The following IRX4 variants were observed in gnomAD, a reference collection of about 807,000 sequenced individuals.
IRX4 encodes the protein iroquois-class homeodomain protein IRX-4.
IRX4 carries 22 observed loss-of-function variants against 32.0 expected under a neutral mutation model. The ratio of observed to expected loss-of-function variants is 0.69; its 90% confidence interval spans 0.49 to 0.98. The LOEUF (loss-of-function observed/expected upper bound fraction) is 0.98, where lower values mean the gene tolerates loss of function less well. IRX4 is among the 50% of genes least tolerant of loss of function. The probability of loss-of-function intolerance (pLI) is 0.00; values close to 1 mark genes in which losing one functional copy is unlikely to be tolerated. For missense variants in IRX4, 840 were observed against 744.2 expected (o/e 1.13, Z -1.50); for synonymous variants, 379 against 351.7 (o/e 1.08, Z -0.87).
In IRX4 at chr5:1,877,993, G is replaced by C. The variant is rs956319404; in HGVS notation, c.1536C>G (p.Ala512=). The change falls in exon 5 of 5, where the codon GCC becomes GCG. Residue 512 remains alanine, a synonymous_variant. Coordinates refer to ENST00000231357, the MANE Select transcript of IRX4 (RefSeq NM_016358.3). ...CTCAGGCGCAGAAGGGTTTGCCGCC[G>C]GCCTTGGGCAGGGCGAGCAGCTCCC... ...AARELLALPK[A]GGKPFCA is the part of the protein sequence containing the mutation. 8 of 1,502,264 alleles carry C rather than the reference G, an allele frequency of 5.3e-6. No individual in the cohort carries two copies. Among genetic ancestry groups the C allele is most frequent in the African/African-American group, 1.4e-5 (1 of 69,620 alleles). The allele number at this position is 1,502,264 out of a possible 1,614,324, so 93.1% of individuals were successfully genotyped here. A position where few individuals can be genotyped will look rare whatever the true frequency, so the allele number is the denominator to read the frequency against.
Position 1,880,800 on chromosome 5 carries a change from G to A in IRX4, c.332C>T (p.Ala111Val), listed in dbSNP as rs771927859. The part of the protein sequence containing the change: ...SFDSKDGSGS[A>V]HGGLAPAAAA... ...AGCGGCTGGTGCCAGGCCCCCATGC[G>A]CAGATCCCGAACCATCCTTGGAATC... Residue 111 changes from alanine (A) to valine (V), a missense_variant, in exon 3 of 5, where the codon GCG (alanine) becomes GTG (valine). This residue lies in a region of IRX4 where 241 missense variants were observed against 220.8 expected (regional missense o/e 1.09). Transcript: ENST00000231357. 7.4e-6 allele frequency: 12 copies of A among 1,613,692 alleles called. No individual in the cohort carries two copies. The highest frequency in any genetic ancestry group is 2.2e-5 in the East Asian group (1 of 44,858).
At chr5:1,884,068 C>T (rs1258003130), upstream of IRX4, 1 of 152,338 alleles carries the variant, frequency 6.6e-6, no homozygotes, top group South Asian at 2.1e-4. Flanking sequence ...GGGACCTTGC[C>T]CAAGTTCAAA....
At chr5:1,879,462 C>T (rs1449129622) in intron 4 of IRX4, 42 bp downstream of exon 4, 2 of 1,612,404 alleles carry the variant, frequency 1.2e-6, no homozygotes, top group African/African-American at 1.3e-5. Flanking sequence ...ACTGTGCCTG[C>T]ACTCCAGGGC....
rs371632801 is a variant in IRX4 at position 1,878,650 on chromosome 5, G to A, written c.879C>T (p.Pro293=). The change falls in exon 5 of 5, where the codon CCC becomes CCT. Residue 293 remains proline, a synonymous_variant. Transcript: ENST00000231357. ...CTGAGGCCTCCTTGACCGGGCCGTC[G>A]GGCGCGGCGGGGACGCGCTCCAGAC... ...DGGLERVPAA[P]DGPVKEASGA... 1.3e-6 allele frequency: 2 copies of A among 1,564,000 alleles called. No homozygotes were observed. The highest frequency in any genetic ancestry group is 1.7e-6 in the Non-Finnish European group (2 of 1,155,070).
rs896345007 is a variant in IRX4, at chr5:1,882,657, G to C, written c.-10C>G. On this transcript the variant is annotated 5_prime_UTR_variant, in exon 1 of 5. Transcript: ENST00000231357. The stretch of plus-strand genomic sequence containing the variant: ...ACTGCGGGTAGGACATGGCGGGCGC[G>C]GCCCGGGGCGGACGGGCGGGGCCTG... The C allele has an allele frequency of 7.2e-7, 1 of 1,386,778 alleles. No homozygotes were observed. The highest frequency in any genetic ancestry group is 9.3e-7 in the Non-Finnish European group (1 of 1,070,202). 85.9% of individuals were successfully genotyped at this position (1,386,778 alleles called of 1,614,324 possible). A position where few individuals can be genotyped will look rare whatever the true frequency, so the allele number is the denominator to read the frequency against.
chr5:1,886,651 C>G (rs1168054167), upstream of IRX4, among the ~76,000 whole-genome samples: 1 of 152,086 alleles, frequency 6.6e-6, no homozygotes, highest in African/African-American at 2.4e-5. Flanking sequence ...CGGCCTGAGG[C>G]TGGACGGAGC....
At chr5:1,879,452 A>G (rs1221006258) in intron 4 of IRX4, 52 bp downstream of exon 4, 4 of 1,611,866 alleles carry the variant, frequency 2.5e-6, no homozygotes, top group Admixed American at 1.7e-5. Flanking sequence ...CAGAGAAGGC[A>G]CTGTGCCTGC....
At chr5:1,879,900 T>C in intron 3 of IRX4, 68 bp from the exon 4 acceptor site, 1 of 1,595,106 alleles carries the variant, frequency 6.3e-7, no homozygotes, top group Non-Finnish European at 8.5e-7. Context: ...GGCATAGGGG[T>C]GGGGGTCGGC....
upstream of IRX4, among the ~76,000 whole-genome samples, chr5:1,886,070 G>T (rs1475325262): frequency 6.6e-6 from 1 of 152,256 alleles, no homozygotes; most frequent in African/African-American, 2.4e-5. Context: ...AGGCCGCAGG[G>T]GAGGCAGGGG....
upstream of IRX4, among the ~76,000 whole-genome samples, chr5:1,883,628 T>TGC (rs913397713): frequency 6.6e-6 from 1 of 152,108 alleles, no homozygotes; most frequent in African/African-American, 2.4e-5. Context: ...GCCCCGGGCG[T>TGC]GCGCCCACCG....
chr5:1,882,598 C>A lies in IRX4; in HGVS notation c.45+5G>T. 6.8e-7 allele frequency: 1 copy of A among 1,480,182 alleles called. No homozygotes were observed. The highest frequency in any genetic ancestry group is 8.9e-7 in the Non-Finnish European group (1 of 1,120,526). The allele number at this position is 1,480,182 out of a possible 1,614,324, so 91.7% of individuals were successfully genotyped here. A position where few individuals can be genotyped will look rare whatever the true frequency, so the allele number is the denominator to read the frequency against. On this transcript the variant is annotated splice_donor_5th_base_variant and intron_variant, in intron 1 of 4. Transcript: ENST00000231357. ...GTGGCCTGGGCGGGGCGGGGCTCCG[C>A]TTACCTGGGGAGCCGAGGAGTAGGG...
Position 1,877,975 on chromosome 5 carries a change from G to C in IRX4, c.1554C>G (p.Cys518Trp). ...ALPKAGGKPF[C>W]A ...GGCTCGGGACCCGCCCGCCTCAGGC[G>C]CAGAAGGGTTTGCCGCCGGCCTTGG... The change falls in exon 5 of 5, where the codon TGC becomes TGG. Residue 518 changes from cysteine (C) to tryptophan (W), a missense_variant. Physicochemically the swap from Cys to Trp is radical, Grantham distance 215 (BLOSUM62 -2). This residue lies in a region of IRX4 where 585 missense variants were observed against 488.0 expected (regional missense o/e 1.20). Transcript: ENST00000231357. 6.7e-7 allele frequency: 1 copy of C among 1,500,334 alleles called. No individual in the cohort carries two copies. Among genetic ancestry groups the C allele is most frequent in the Non-Finnish European group, 8.8e-7 (1 of 1,129,970 alleles). The allele number at this position is 1,500,334 out of a possible 1,614,324, so 92.9% of individuals were successfully genotyped here.
upstream of IRX4, among the ~76,000 whole-genome samples, chr5:1,883,040 G>GACTCGCCGGTC (rs1451724713): frequency 6.6e-6 from 1 of 152,034 alleles, no homozygotes; most frequent in East Asian, 1.9e-4. Flanking sequence ...CCTGGCCGCA[G>GACTCGCCGGTC]ACTCGCCGGT....
Position 1,879,521 on chromosome 5 carries a change from T to A in IRX4, c.719A>T (p.Lys240Met). Reference sequence around the variant, plus strand: ...CAACCCACCTGCGTTCTTGGAGCTCTTGAGGGGCTCCTCCCGCGCCTCCTC... The same window carrying A: ...CAACCCACCTGCGTTCTTGGAGCTCATGAGGGGCTCCTCCCGCGCCTCCTC... The part of the protein sequence containing the change: ...GEEEAREEPL[K>M]SSKNAEPVGK... Residue 240 changes from lysine to methionine, a missense_variant, in exon 4 of 5, where the codon AAG (lysine) becomes ATG (methionine). By Grantham distance (95) the Lys-to-Met change is moderately conservative. Transcript: ENST00000231357. 6.2e-7 allele frequency: 1 copy of A among 1,613,254 alleles called. No individual in the cohort carries two copies.
rs1735245845 is a variant in IRX4, at chr5:1,877,716, GCTCC to G, written c.*249_*252del. 1 of 518,668 alleles carries G rather than the reference GCTCC, an allele frequency of 1.9e-6. No homozygotes were observed. Among genetic ancestry groups the G allele is most frequent in the African/African-American group, 2.0e-5 (1 of 48,880 alleles). The allele number at this position is 518,668 out of a possible 1,614,324, so 32.1% of individuals were successfully genotyped here. A position where few individuals can be genotyped will look rare whatever the true frequency, so the allele number is the denominator to read the frequency against. On this transcript the variant is annotated 3_prime_UTR_variant, in exon 5 of 5. Coordinates refer to ENST00000231357, the MANE Select transcript of IRX4 (RefSeq NM_016358.3). ...TGCTTCAGGGTATCTGGCCTCTTCT[GCTCC>G]GAGAGCCTCTCCTTCCGCGTCCCAA...
chr5:1,887,034 GGGGGCGGGAGC>G (rs1735654552), upstream of IRX4: 3 of 151,430 alleles, frequency 2.0e-5, no homozygotes, highest in African/African-American at 7.3e-5. Context: ...ACCCCGGGGC[GGGGGCGGGAGC>G]GGGGGACCTC....
At chr5:1,882,207 A>T in intron 1 of IRX4, 148 bp from the exon 2 acceptor site, 2 of 994,718 alleles carry the variant, frequency 2.0e-6, no homozygotes, top group East Asian at 2.8e-5. Flanking sequence ...GCCCCTTTCC[A>T]CTAGCTTGTG....
chr5:1,879,539 G>T lies in IRX4; in HGVS notation c.701C>A (p.Ala234Glu). 1.2e-6 allele frequency: 2 copies of T among 1,613,432 alleles called. No homozygotes were observed. The highest frequency in any genetic ancestry group is 1.7e-6 in the Non-Finnish European group (2 of 1,180,002). The change falls in exon 4 of 5, where the codon GCG becomes GAG. Residue 234 changes from alanine (A) to glutamate (E), a missense_variant. This residue lies in a region of IRX4 where 585 missense variants were observed against 488.0 expected (regional missense o/e 1.20). Transcript: ENST00000231357. The stretch of plus-strand genomic sequence containing the variant: ...GGAGCTCTTGAGGGGCTCCTCCCGC[G>T]CCTCCTCCTCGCCCCCCTCCTCCTC... ...GEEEEGGEEE[A>E]REEPLKSSKN...
In IRX4 at chr5:1,881,832, C is replaced by T. The variant is rs768058175; in HGVS notation, c.273G>A (p.Ser91=). The T allele has an allele frequency of 1.9e-6, 3 of 1,564,030 alleles. No individual in the cohort carries two copies. The highest frequency in any genetic ancestry group is 2.6e-6 in the Non-Finnish European group (3 of 1,156,038). ...CCAGCGAGTAGAAGGCGGACGCCTC[C>T]GAGCCGTAGGTCACGTAGTTGCCAT... ...QGYGNYVTYG[S]EASAFYSLNS... is the part of the protein sequence containing the mutation. The change falls in exon 2 of 5, where the codon TCG becomes TCA. Residue 91 remains serine, a synonymous_variant. Transcript: ENST00000231357.
Sources: allele counts gnomAD v4.1 joint callset (sites outside exome capture counted in the v4.1 genomes callset), GRCh38; gene constraint gnomAD v4.1.1; regional missense constraint gnomAD v4.1.1; transcripts MANE v1.5; gene names NCBI Gene and HGNC (gene_info 2026-07-23, HGNC 2026-07-21).